MACROD1: variants seen among roughly 807,000 people sequenced by gnomAD.
The protein encoded by MACROD1 is ADP-ribose glycohydrolase MACROD1.
A neutral mutation model predicts 41.4 loss-of-function variants in MACROD1; 31 were observed. That is an observed-to-expected ratio of 0.75 (90% CI 0.56 to 1.01). The LOEUF is 1.01. Among genes scored for constraint, MACROD1 ranks in the 50% least tolerant of loss-of-function variants. The pLI is 0.00. For missense variants in MACROD1, 473 were observed against 460.0 expected, an observed-to-expected ratio of 1.03 and a Z score of -0.26; for synonymous variants, 252 against 203.4, an observed-to-expected ratio of 1.24 and a Z score of -2.03.
At chr11:64,160,616 G>A (rs574066606) in intron 1 of MACROD1, among the ~76,000 whole-genome samples, 1 of 152,140 alleles carries the variant, frequency 6.6e-6, no homozygotes, top group African/African-American at 2.4e-5. Flanking sequence ...TTCGAGACCA[G>A]CCTGGGGCAA....
At chr11:64,002,557 A>C (rs1488011262) in intron 4 of MACROD1, among the ~76,000 whole-genome samples, 1 of 152,100 alleles carries the variant, frequency 6.6e-6, no homozygotes, top group Non-Finnish European at 1.5e-5. Context: ...CTGTCAGCCC[A>C]CTGCTACCCC....
At chr11:64,056,381 C>G (rs1249355601) in intron 3 of MACROD1, among the ~76,000 whole-genome samples, 1 of 152,170 alleles carries the variant, frequency 6.6e-6, no homozygotes, top group Admixed American at 6.5e-5. Context: ...AATGAACAGG[C>G]CCCCTCTCCT....
intron 3 of MACROD1, among the ~76,000 whole-genome samples, chr11:64,057,681 C>T (rs1313711506): frequency 6.6e-6 from 1 of 152,218 alleles, no homozygotes; most frequent in Non-Finnish European, 1.5e-5. Flanking sequence ...AGGGTGTCTG[C>T]TCCCCCACTC....
intron 3 of MACROD1, among the ~76,000 whole-genome samples, chr11:64,145,544 A>G (rs751691748): frequency 2.0e-5 from 3 of 152,062 alleles, no homozygotes; most frequent in Non-Finnish European, 2.9e-5. Flanking sequence ...CATTTCTCAG[A>G]TGAGGAAGTA....
rs995868213 is a variant in MACROD1, at chr11:64,036,724, G to C, written c.518-21443C>G. On this transcript the variant is annotated intron_variant, in intron 3 of 10. Coordinates refer to ENST00000255681, the MANE Select transcript of MACROD1 (RefSeq NM_014067.4). This position sits in a 1 kb window ranked among gnomAD's most constrained non-coding sequence, Gnocchi z 5.6. ...TCCCTCCCTGTGCGCGCTGTGGACCGTCAGCCCTGAGCCGGGCGGGGGCTG... is the reference window on the plus strand; with the variant it reads ...TCCCTCCCTGTGCGCGCTGTGGACCCTCAGCCCTGAGCCGGGCGGGGGCTG... Among the ~76,000 whole-genome samples, 7 of 152,132 alleles carry C rather than the reference G, an allele frequency of 4.6e-5. No individual in the cohort carries two copies. Among genetic ancestry groups the C allele is most frequent in the Non-Finnish European group, 1.0e-4 (7 of 68,018 alleles).
intron 3 of MACROD1, chr11:64,103,842 A>C (rs1006203132): frequency 6.6e-6 from 1 of 152,102 alleles, no homozygotes; most frequent in Non-Finnish European, 1.5e-5. Flanking sequence ...TGCACACAGG[A>C]CCCTCACTCT....
At chr11:64,054,761 C>G (rs567509127) in intron 3 of MACROD1, among the ~76,000 whole-genome samples, 1 of 152,258 alleles carries the variant, frequency 6.6e-6, no homozygotes, top group Non-Finnish European at 1.5e-5. Flanking sequence ...ACCTGGCCAG[C>G]CCCTTCCTGC....
chr11:64,145,257 G>A (rs373863121), intron 3 of MACROD1, among the ~76,000 whole-genome samples: 24 of 152,180 alleles, frequency 1.6e-4, no homozygotes, highest in African/African-American at 5.3e-4. Flanking sequence ...ACCCGTCCCC[G>A]CCGCACACCT....
chr11:64,039,664 G>A (rs1943448726), intron 3 of MACROD1, among the ~76,000 whole-genome samples: 1 of 152,188 alleles, frequency 6.6e-6, no homozygotes, highest in Non-Finnish European at 1.5e-5. Flanking sequence ...GACACCAAGA[G>A]GGTTCCATGG....
chr11:64,138,624 C>T lies in MACROD1; in HGVS notation c.517+12615G>A, dbSNP rs117678603. 520 of 855,186 alleles carry T rather than the reference C, an allele frequency of 6.1e-4. 6 individuals are homozygous for T. The East Asian group carries it at 0.051, about 83-fold the overall frequency. The allele number at this position is 855,186 out of a possible 1,614,324, so 53.0% of individuals were successfully genotyped here. On this transcript the variant is annotated intron_variant, in intron 3 of 10. Transcript: ENST00000255681. ...AATGGCTGACAGCCGGGCCTCTCTC[C>T]CCAACTGCGATGCCGCTCGGCTCTG... is the stretch of plus-strand genomic sequence containing the variant.
chr11:64,123,645 G>A (rs1945134507), intron 3 of MACROD1, among the ~76,000 whole-genome samples: 1 of 152,090 alleles, frequency 6.6e-6, no homozygotes, highest in Non-Finnish European at 1.5e-5. Flanking sequence ...CAGGCTTGAG[G>A]CTCCAGCACT....
chr11:64,133,869 C>T (rs951539280), intron 3 of MACROD1, among the ~76,000 whole-genome samples: 7 of 152,184 alleles, frequency 4.6e-5, no homozygotes, highest in Admixed American at 2.0e-4. Flanking sequence ...TACATGGGAG[C>T]GACAGCAAAC....
chr11:64,059,145 C>T (rs1943848879), intron 3 of MACROD1, among the ~76,000 whole-genome samples: 1 of 152,198 alleles, frequency 6.6e-6, no homozygotes, highest in East Asian at 1.9e-4. Context: ...TTCTCTTCCT[C>T]TTCTGTGTTT....
intron 3 of MACROD1, among the ~76,000 whole-genome samples, chr11:64,098,905 C>CCAT (rs940491340): frequency 6.6e-6 from 1 of 152,224 alleles, no homozygotes; most frequent in African/African-American, 2.4e-5. Context: ...ACATAAAAAT[C>CCAT]CATCCCAAAG....
At chr11:64,135,676 C>G (rs1369331983) in intron 3 of MACROD1, among the ~76,000 whole-genome samples, 1 of 152,224 alleles carries the variant, frequency 6.6e-6, no homozygotes, top group Non-Finnish European at 1.5e-5. Flanking sequence ...CTCGAGGGGC[C>G]CCTTCTGCAG....
At chr11:64,000,205 TG>T (rs1427773584) in intron 5 of MACROD1, 21 bp downstream of exon 5, 4 of 1,587,934 alleles carry the variant, frequency 2.5e-6, no homozygotes, top group Non-Finnish European at 1.7e-6. Flanking sequence ...GCCCCACAGC[TG>T]GGGGCGCGTC....
chr11:64,137,318 C>T (rs1176003572), intron 3 of MACROD1, among the ~76,000 whole-genome samples: 2 of 151,886 alleles, frequency 1.3e-5, no homozygotes, highest in Non-Finnish European at 2.9e-5. Context: ...ATGTGAGGGG[C>T]GAGCACTTTG....
At chr11:64,143,891 C>A (rs776990757) in intron 3 of MACROD1, among the ~76,000 whole-genome samples, 3 of 151,896 alleles carry the variant, frequency 2.0e-5, no homozygotes, top group Non-Finnish European at 4.4e-5. Flanking sequence ...TGTTTCACAT[C>A]TCTGAGCCTC....
At chr11:64,091,581 C>A (rs975875436) in intron 3 of MACROD1, among the ~76,000 whole-genome samples, 1 of 152,064 alleles carries the variant, frequency 6.6e-6, no homozygotes, top group Non-Finnish European at 1.5e-5. Flanking sequence ...GTTTGCACAG[C>A]ACCTCCTGGA....
Sources: gnomAD v4.1 joint callset for allele counts (sites outside exome capture counted in the v4.1 genomes callset) on GRCh38, gnomAD v4.1.1 for gene constraint, Gnocchi (gnomAD v3.1) non-coding constraint, MANE v1.5 for transcripts, NCBI Gene and HGNC (gene_info 2026-07-23, HGNC 2026-07-21) for gene names.